LNX1: variants seen among roughly 807,000 people sequenced by gnomAD.
LNX1 encodes the protein ligand of numb-protein X 1, also known as E3 ubiquitin-protein ligase LNX.
A neutral mutation model predicts 68.4 loss-of-function variants in LNX1; 54 were observed. That is an observed-to-expected ratio of 0.79 (90% CI 0.63 to 0.99). The LOEUF (loss-of-function observed/expected upper bound fraction) is 0.99, where lower values mean the gene tolerates loss of function less well. Ranked by LOEUF, LNX1 falls within the 50% of genes least tolerant of loss-of-function variation. The probability of loss-of-function intolerance (pLI) is 0.00; values close to 1 mark genes in which losing one functional copy is unlikely to be tolerated. For synonymous variants in LNX1, 336 were observed against 350.0 expected (o/e 0.96, Z 0.45); for missense variants, 906 against 926.4 (o/e 0.98, Z 0.29).
At chr4:53,492,993 CAG>C (rs1329158452) in intron 6 of LNX1, among the ~76,000 whole-genome samples, 1 of 151,972 alleles carries the variant, frequency 6.6e-6, no homozygotes, top group African/African-American at 2.4e-5. Flanking sequence ...TTTTTTGAGA[CAG>C]AGTCTTGCTC....
At chr4:53,517,149 C>A (rs1446601571) in intron 2 of LNX1, among the ~76,000 whole-genome samples, 1 of 152,094 alleles carries the variant, frequency 6.6e-6, no homozygotes, top group African/African-American at 2.4e-5. Flanking sequence ...TTAAAGGAGC[C>A]TGAGAGATTC....
At chr4:53,594,507 T>G (rs567800625), upstream of LNX1, among the ~76,000 whole-genome samples, 191 of 152,280 alleles carry the variant, frequency 1.3e-3, 2 homozygotes, top group African/African-American at 4.3e-3. Flanking sequence ...TGGTTTAGAC[T>G]AGGCTTGGCA....
At chr4:53,477,560 C>A (rs930817746) in intron 8 of LNX1, among the ~76,000 whole-genome samples, 6 of 152,166 alleles carry the variant, frequency 3.9e-5, no homozygotes, top group African/African-American at 1.4e-4. Flanking sequence ...CCATATAGAT[C>A]ATATAATCCT....
intron 2 of LNX1, among the ~76,000 whole-genome samples, chr4:53,527,173 C>G (rs1290147611): frequency 1.3e-5 from 2 of 151,920 alleles, no homozygotes; most frequent in Non-Finnish European, 2.9e-5. Context: ...GTTCTCAGCA[C>G]CAACATCAGT....
At chr4:53,538,723 G>A (rs1325379972) in intron 2 of LNX1, among the ~76,000 whole-genome samples, 1 of 152,150 alleles carries the variant, frequency 6.6e-6, no homozygotes, top group Admixed American at 6.5e-5. Flanking sequence ...CAGGTGTTCA[G>A]GTCACTGGGG....
intron 6 of LNX1, among the ~76,000 whole-genome samples, chr4:53,484,941 C>A (rs1348052411): frequency 2.0e-5 from 3 of 152,162 alleles, no homozygotes; most frequent in African/African-American, 7.2e-5. Flanking sequence ...GCTAATGTGC[C>A]CTTCCTTTGT....
rs1560617750 is a variant in LNX1 at position 53,478,687 on chromosome 4, G to A, written c.1541C>T (p.Pro514Leu). The A allele has an allele frequency of 6.2e-7, 1 of 1,614,006 alleles. No individual in the cohort carries two copies. Among genetic ancestry groups the A allele is most frequent in the African/African-American group, 1.3e-5 (1 of 74,998 alleles). The change falls in exon 8 of 11, where the codon CCC (proline) becomes CTC (leucine). Residue 514 changes from proline (P) to leucine (L), a missense_variant. Physicochemically the swap from Pro to Leu is moderately conservative, Grantham distance 98. Transcript: ENST00000263925. Reference protein sequence around the residue: ...HEKVVNIQKDPGESLGMTVAG... With the variant: ...HEKVVNIQKDLGESLGMTVAG... The stretch of plus-strand genomic sequence containing the variant: ...GACGGTCATGCCGAGAGATTCACCG[G>A]GGTCTTTTTGGATATTTACCACCTT...
chr4:53,516,371 A>G (rs1235185312), intron 2 of LNX1, among the ~76,000 whole-genome samples: 1 of 152,338 alleles, frequency 6.6e-6, no homozygotes, highest in East Asian at 1.9e-4. Flanking sequence ...GATGCAAAGA[A>G]AACGACAATG....
At chr4:53,492,542 A>AGAGAGAGAGAGAGAGAGAGAGG (rs1724768634) in intron 6 of LNX1, among the ~76,000 whole-genome samples, 1 of 150,612 alleles carries the variant, frequency 6.6e-6, no homozygotes, top group Non-Finnish European at 1.5e-5. Flanking sequence ...AGAGAGAGAG[A>AGAGAGAGAGAGAGAGAGAGAGG]GTGGCATCCT....
rs1222325168 is a variant in LNX1, at chr4:53,461,446, A to G, written c.2040T>C (p.Asp680=). The change falls in exon 10 of 11, where the codon GAT becomes GAC. Residue 680 remains aspartate (D), a synonymous_variant. Transcript: ENST00000263925. Reference sequence around the variant, plus strand: ...GTCATTATTATTACCTAATTCTTCCATCATTGTATGCTGGTGTTCCTTCAA... The same window carrying G: ...GTCATTATTATTACCTAATTCTTCCGTCATTGTATGCTGGTGTTCCTTCAA... ...SIVEGTPAYN[D]GRIRCGDILL... The G allele has an allele frequency of 1.9e-6, 3 of 1,606,870 alleles. No homozygotes were observed. The East Asian group carries it at 6.7e-5, about 36-fold the overall frequency.
At chr4:53,548,833 A>T (rs1246614655) in intron 2 of LNX1, among the ~76,000 whole-genome samples, 1 of 152,232 alleles carries the variant, frequency 6.6e-6, no homozygotes, top group Non-Finnish European at 1.5e-5. Flanking sequence ...ACCATGGAAT[A>T]CTATGCAGCC....
At position 53,497,177 on chromosome 4, in the gene LNX1, T is replaced by C. The variant is rs556391853; in HGVS notation, c.979-783A>G. Among the ~76,000 whole-genome samples the C allele has an allele frequency of 3.9e-5, 6 of 152,348 alleles. No individual in the cohort carries two copies. In the East Asian group the frequency reaches 5.8e-4, roughly 15 times the overall value. On this transcript the variant is annotated intron_variant, in intron 5 of 10. Transcript: ENST00000263925. Reference sequence around the variant, plus strand: ...GGCCCTCTCATTTGTGCCTCACTAATGATGTGTAGGGCTGATACTGCATGG... The same window carrying C: ...GGCCCTCTCATTTGTGCCTCACTAACGATGTGTAGGGCTGATACTGCATGG...
intron 2 of LNX1, among the ~76,000 whole-genome samples, chr4:53,601,020 G>C (rs1179990777): frequency 1.4e-5 from 2 of 144,860 alleles, no homozygotes; most frequent in Non-Finnish European, 3.0e-5. Flanking sequence ...CGAGGTTGCA[G>C]TGAGCCAAGA....
At chr4:53,541,147 G>GAAAAAAAAAAAAAAAAA (rs772889036) in intron 2 of LNX1, among the ~76,000 whole-genome samples, 1 of 144,022 alleles carries the variant, frequency 6.9e-6, no homozygotes, top group Non-Finnish European at 1.5e-5. Flanking sequence ...AAAAAAAAAA[G>GAAAAAAAAAAAAAAAAA]AAAAAAAAAA....
intron 8 of LNX1, among the ~76,000 whole-genome samples, chr4:53,477,433 T>C (rs1379128576): frequency 6.6e-6 from 1 of 151,998 alleles, no homozygotes; most frequent in Non-Finnish European, 1.5e-5. Context: ...CCCATGAGAG[T>C]GTCTGGCAGA....
Position 53,564,798 on chromosome 4 carries a change from C to T in LNX1, c.380+8825G>A, listed in dbSNP as rs539082130. ...GTCAGTGGGTGCGCGCACCCTGCGCCAGCCGAAGCAGGGCGAGGCATTGCC... is the reference window on the plus strand; with the variant it reads ...GTCAGTGGGTGCGCGCACCCTGCGCTAGCCGAAGCAGGGCGAGGCATTGCC... On this transcript the variant is annotated intron_variant, in intron 2 of 10. Transcript: ENST00000263925. Among the ~76,000 whole-genome samples the T allele has an allele frequency of 5.8e-3, 878 of 152,284 alleles. 6 individuals carry two copies. The highest frequency in any genetic ancestry group is 0.02 in the African/African-American group (829 of 41,562).
intron 2 of LNX1, among the ~76,000 whole-genome samples, chr4:53,570,733 A>G (rs1373853937): frequency 1.3e-5 from 2 of 151,496 alleles, no homozygotes. Context: ...TTTTCAAAAA[A>G]AAAGAATCTT....
At chr4:53,555,926 C>T (rs1050523250) in intron 2 of LNX1, among the ~76,000 whole-genome samples, 2 of 152,086 alleles carry the variant, frequency 1.3e-5, no homozygotes, top group Admixed American at 1.3e-4. Flanking sequence ...TTCAATTAGG[C>T]TATAAAACTG....
intron 2 of LNX1, among the ~76,000 whole-genome samples, chr4:53,562,493 C>T (rs1477498467): frequency 6.6e-6 from 1 of 152,232 alleles, no homozygotes; most frequent in Non-Finnish European, 1.5e-5. Context: ...TCTAGCCAGT[C>T]ATGCATACCT....
Sources: gnomAD v4.1 joint callset for allele counts (sites outside exome capture counted in the v4.1 genomes callset) on GRCh38, gnomAD v4.1.1 for gene constraint, MANE v1.5 for transcripts, NCBI Gene and HGNC (gene_info 2026-07-23, HGNC 2026-07-21) for gene names.